The following OAF variants were observed in gnomAD, a reference collection of about 807,000 sequenced individuals.
OAF encodes the protein out at first protein homolog.
OAF carries 13 observed loss-of-function variants against 22.5 expected under a neutral mutation model. The ratio of observed to expected loss-of-function variants is 0.58; its 90% CI spans 0.38 to 0.92. The LOEUF (loss-of-function observed/expected upper bound fraction) is 0.92, where lower values mean the gene tolerates loss of function less well. Ranked by LOEUF, OAF falls within the 40% of genes least tolerant of loss-of-function variation. The pLI, the probability that OAF is intolerant of heterozygous loss-of-function variation, is 0.00. For synonymous variants in OAF, 175 were observed against 170.5 expected, an observed-to-expected ratio of 1.03 and a Z score of -0.21; for missense variants, 347 against 381.8, an observed-to-expected ratio of 0.91 and a Z score of 0.76.
Position 120,226,323 on chromosome 11 carries a change from G to A in OAF, c.367-493G>A, listed in dbSNP as rs185194411. 3.2e-4 allele frequency among the ~76,000 whole-genome samples: 48 copies of A among 152,360 alleles called. No homozygotes were observed. The East Asian group carries it at 8.5e-3, about 27-fold the overall frequency. The stretch of plus-strand genomic sequence containing the variant: ...AGTGTTCAAGACCCTCAAAGCTGCC[G>A]GCCTGCTCCTGCTGTCTTCTTAGAC... On this transcript the variant is annotated intron_variant, in intron 2 of 3. Transcript: ENST00000328965.
intron 1 of OAF, among the ~76,000 whole-genome samples, chr11:120,212,490 C>G (rs1211240501): frequency 2.0e-5 from 3 of 151,932 alleles, no homozygotes; most frequent in African/African-American, 7.3e-5. Context: ...TCAAAAGGAG[C>G]GTTCTGTCTC....
In OAF at chr11:120,211,623, C is replaced by T. The variant is rs893062893; in HGVS notation, c.231+113C>T. The stretch of plus-strand genomic sequence containing the variant: ...GGGCCCAGGAGGGAGACGCAGCTGG[C>T]CCAAGGTCACGCCGGGCTCTTCTCT... On this transcript the variant is annotated intron_variant, in intron 1 of 3. Transcript: ENST00000328965. The T allele has an allele frequency of 6.4e-6, 4 of 627,264 alleles. No individual in the cohort carries two copies. The Admixed American group carries it at 1.3e-4, about 20-fold the overall frequency. 38.9% of individuals were successfully genotyped at this position (627,264 alleles called of 1,614,324 possible).
intron 1 of OAF, among the ~76,000 whole-genome samples, chr11:120,218,670 C>T (rs1938242257): frequency 6.6e-5 from 10 of 152,180 alleles, no homozygotes; most frequent in Admixed American, 5.2e-4. Flanking sequence ...TGGGAGGGGG[C>T]CAAGTGGCTT....
At chr11:120,218,454 C>G (rs1206411602) in intron 1 of OAF, among the ~76,000 whole-genome samples, 1 of 152,164 alleles carries the variant, frequency 6.6e-6, no homozygotes, top group Non-Finnish European at 1.5e-5. Context: ...CAGGCTAAAC[C>G]CCCTCTCCCC....
intron 1 of OAF, among the ~76,000 whole-genome samples, chr11:120,216,579 C>T (rs1591358145): frequency 6.6e-6 from 1 of 152,208 alleles, no homozygotes; most frequent in Admixed American, 6.5e-5. Context: ...GTGAGGAATT[C>T]CTCCTCAGAT....
At chr11:120,227,475 G>T (rs947980990) in intron 3 of OAF, among the ~76,000 whole-genome samples, 5 of 152,142 alleles carry the variant, frequency 3.3e-5, no homozygotes, top group Admixed American at 1.3e-4. Context: ...AGGACACAGA[G>T]ATGGGGCCTT....
intron 1 of OAF, among the ~76,000 whole-genome samples, chr11:120,212,883 T>A (rs537976206): frequency 1.4e-4 from 20 of 148,044 alleles, no homozygotes; most frequent in African/African-American, 5.0e-4. Context: ...CCATCCTTAC[T>A]CCGCAGGCCT....
intron 1 of OAF, among the ~76,000 whole-genome samples, chr11:120,216,124 G>A (rs1442893130): frequency 6.6e-6 from 1 of 152,178 alleles, no homozygotes; most frequent in Non-Finnish European, 1.5e-5. Flanking sequence ...GCACTGATGA[G>A]TGAGTGGGAG....
At chr11:120,228,825 T>TTC in intron 3 of OAF, 43 bp from the exon 4 acceptor site, 7 of 434,172 alleles carry the variant, frequency 1.6e-5, no homozygotes, top group Non-Finnish European at 3.3e-5. Context: ...GCTCCTTCCC[T>TTC]CCCTCCCTCC....
At chr11:120,218,819 C>T (rs1938243797) in intron 1 of OAF, among the ~76,000 whole-genome samples, 1 of 152,020 alleles carries the variant, frequency 6.6e-6, no homozygotes, top group African/African-American at 2.4e-5. Flanking sequence ...GGCGGGCCTC[C>T]CCCCAAACCC....
At chr11:120,213,422 G>A (rs964194800) in intron 1 of OAF, among the ~76,000 whole-genome samples, 3 of 152,138 alleles carry the variant, frequency 2.0e-5, no homozygotes, top group African/African-American at 7.2e-5. Context: ...TGATTTTCAG[G>A]TTAGCCTCTG....
chr11:120,229,196 A>G lies in OAF; in HGVS notation c.*54A>G. ...CTGGGCCCACTGCTCTTCACCAGCC[A>G]CTAGAGGGGGTGGCAACCCCCACCT... On this transcript the variant is annotated 3_prime_UTR_variant, in exon 4 of 4. Coordinates refer to ENST00000328965, the MANE Select transcript of OAF (RefSeq NM_178507.4). 1.9e-6 allele frequency: 3 copies of G among 1,546,004 alleles called. No homozygotes were observed. The highest frequency in any genetic ancestry group is 2.7e-6 in the Non-Finnish European group (3 of 1,130,440).
chr11:120,225,898 G>A (rs1938351946), intron 2 of OAF, 103 bp downstream of exon 2: 5 of 972,744 alleles, frequency 5.1e-6, no homozygotes, highest in East Asian at 5.4e-5. Context: ...CTGCAGACCC[G>A]ACCCCTGCAG....
At chr11:120,226,199 C>T (rs1193893957) in intron 2 of OAF, among the ~76,000 whole-genome samples, 1 of 152,246 alleles carries the variant, frequency 6.6e-6, no homozygotes, top group Non-Finnish European at 1.5e-5. Flanking sequence ...TCTCCTCCGT[C>T]ACTCATTAGT....
chr11:120,216,379 C>T (rs1000128362), intron 1 of OAF, among the ~76,000 whole-genome samples: 3 of 152,120 alleles, frequency 2.0e-5, no homozygotes, highest in Admixed American at 6.5e-5. Flanking sequence ...TAAGATTTGG[C>T]GTGGAAGCAT....
chr11:120,226,703 C>A (rs1194062533), intron 2 of OAF, 113 bp from the exon 3 acceptor site: 3 of 930,614 alleles, frequency 3.2e-6, no homozygotes, highest in Middle Eastern at 2.2e-4. Context: ...CTGCAGATGG[C>A]CCCAGCGTTC....
chr11:120,228,821 T>TGCCAGCC, intron 3 of OAF, 47 bp from the exon 4 acceptor site: 5 of 520,278 alleles, frequency 9.6e-6, no homozygotes, highest in Non-Finnish European at 1.4e-5. Context: ...GGGAGCTCCT[T>TGCCAGCC]CCCTCCCTCC....
Position 120,225,677 on chromosome 11 carries a change from G to A in OAF, c.248G>A (p.Arg83Gln), listed in dbSNP as rs896667803. 23 of 1,599,302 alleles carry A rather than the reference G, an allele frequency of 1.4e-5. No homozygotes were observed. Among genetic ancestry groups the A allele is most frequent in the Admixed American group, 6.9e-5 (4 of 58,064 alleles). Reference protein sequence around the residue: ...ADFKKDVKVFRALILGELEKG... With the variant: ...ADFKKDVKVFQALILGELEKG... ...CTTCTTCAGGATGTGAAGGTCTTCC[G>A]GGCCCTGATCCTGGGGGAGCTGGAG... The change falls in exon 2 of 4, where the codon CGG becomes CAG. Residue 83 changes from arginine (R) to glutamine (Q), a missense_variant. By Grantham distance (43) the Arg-to-Gln change is conservative (BLOSUM62 1). Transcript: ENST00000328965.
intron 1 of OAF, 63 bp downstream of exon 1, chr11:120,211,573 C>T: frequency 8.5e-7 from 1 of 1,177,572 alleles, no homozygotes; most frequent in Non-Finnish European, 1.1e-6. Flanking sequence ...ATCCCAGGCG[C>T]TCTCTTGCCT....
Sources: allele counts gnomAD v4.1 joint callset (sites outside exome capture counted in the v4.1 genomes callset), GRCh38; gene constraint gnomAD v4.1.1; transcripts MANE v1.5; gene names NCBI Gene and HGNC (gene_info 2026-07-23, HGNC 2026-07-21).